MYO1H: variants seen among roughly 807,000 people sequenced by gnomAD.
The protein encoded by MYO1H is unconventional myosin-Ih.
Under a neutral mutation model 149.3 loss-of-function variants are expected in MYO1H, and 118 were observed. The ratio of observed to expected loss-of-function variants is 0.79; its 90% CI spans 0.68 to 0.92. MYO1H has a LOEUF of 0.92. Among genes scored for constraint, MYO1H ranks in the 40% least tolerant of loss-of-function variants. The probability of loss-of-function intolerance (pLI) is 0.00; values close to 1 mark genes in which losing one functional copy is unlikely to be tolerated. For synonymous variants in MYO1H, 447 were observed against 465.2 expected (o/e 0.96, Z 0.50); for missense variants, 1,212 against 1,280.7 (o/e 0.95, Z 0.82).
intron 5 of MYO1H, among the ~76,000 whole-genome samples, chr12:109,399,591 CAA>C (rs34417905): frequency 2.1e-4 from 15 of 70,464 alleles, no homozygotes; most frequent in East Asian, 7.5e-4. Flanking sequence ...GACTCTGTCT[CAA>C]AAAAAAAAAA....
chr12:109,406,940 C>T (rs1187762064), intron 9 of MYO1H, 80 bp downstream of exon 9: 20 of 1,300,754 alleles, frequency 1.5e-5, no homozygotes, highest in Non-Finnish European at 2.1e-5. Flanking sequence ...GTGGTGGCCT[C>T]AGGGGAGGCC....
chr12:109,430,356 T>C (rs1871557684), intron 19 of MYO1H, among the ~76,000 whole-genome samples: 1 of 152,202 alleles, frequency 6.6e-6, no homozygotes, highest in Non-Finnish European at 1.5e-5. Flanking sequence ...CATAAGGTAC[T>C]AGTCCCTCCA....
intron 19 of MYO1H, among the ~76,000 whole-genome samples, chr12:109,427,901 A>G (rs1430980164): frequency 2.1e-5 from 1 of 46,750 alleles, no homozygotes; most frequent in Admixed American, 2.1e-4. Flanking sequence ...AAAAAAAAAA[A>G]AAAAAAAAAT....
At chr12:109,350,729 A>G (rs918441890) in intron 1 of MYO1H, among the ~76,000 whole-genome samples, 5 of 152,226 alleles carry the variant, frequency 3.3e-5, no homozygotes, top group African/African-American at 7.2e-5. Context: ...GCACTTTTCC[A>G]TGGTTCAAAT....
At chr12:109,426,379 A>G (rs191375633) in intron 18 of MYO1H, among the ~76,000 whole-genome samples, 1 of 152,182 alleles carries the variant, frequency 6.6e-6, no homozygotes, top group East Asian at 1.9e-4. Context: ...TACAAACACT[A>G]GCTGGGTGTG....
At position 109,410,890 on chromosome 12, in the gene MYO1H, C is replaced by A. The variant is rs956742674; in HGVS notation, c.1410+122C>A. 1.0e-5 allele frequency: 7 copies of A among 673,614 alleles called. No individual in the cohort carries two copies. The Admixed American group carries it at 1.6e-4, about 16-fold the overall frequency. 41.7% of individuals were successfully genotyped at this position (673,614 alleles called of 1,614,324 possible). ...GGCACGGTGGCTCACGCCTGTAATT[C>A]CAACACTTTGGGAGGCCGAGGTGGG... On this transcript the variant is annotated intron_variant, in intron 13 of 31. Coordinates refer to ENST00000310903, the Ensembl canonical transcript of MYO1H.
chr12:109,314,546 C>T, the MYO1H span, among the ~76,000 whole-genome samples: 6 of 152,164 alleles, frequency 3.9e-5, no homozygotes, highest in Non-Finnish European at 7.3e-5. Flanking sequence ...ATGATGGCTC[C>T]GCTGTGAGGC....
At chr12:109,407,840 C>T (rs1404204023) in exon 10 of MYO1H, 9 of 1,613,886 alleles carry the variant, frequency 5.6e-6, no homozygotes, top group South Asian at 1.1e-5. Flanking sequence ...GCTAGAGATG[C>T]AATGGCAAAG....
At chr12:109,365,961 A>T (rs1350623413) in intron 1 of MYO1H, among the ~76,000 whole-genome samples, 1 of 152,162 alleles carries the variant, frequency 6.6e-6, no homozygotes, top group Non-Finnish European at 1.5e-5. Flanking sequence ...CTCTCACAGG[A>T]TTGTGAAGCC....
chr12:109,353,251 G>A (rs934098737), intron 1 of MYO1H, among the ~76,000 whole-genome samples: 3 of 151,854 alleles, frequency 2.0e-5, no homozygotes, highest in Non-Finnish European at 2.9e-5. Context: ...AAAATTAGCC[G>A]GGTATGGTGG....
rs541310834 is a variant in MYO1H at position 109,436,301 on chromosome 12, T to C, written c.2141-187T>C. On this transcript the variant is annotated intron_variant, in intron 21 of 31. Transcript: ENST00000310903. ...GAAACTCCAGTTCCCGGGCAGCATCTGGGAGCCAGGCGTCATGTAACCAGC... is the reference window on the plus strand; with the variant it reads ...GAAACTCCAGTTCCCGGGCAGCATCCGGGAGCCAGGCGTCATGTAACCAGC... 2.6e-5 allele frequency among the ~76,000 whole-genome samples: 4 copies of C among 152,194 alleles called. No homozygotes were observed. In the East Asian group the frequency reaches 7.7e-4, roughly 29 times the overall value.
At position 109,378,103 on chromosome 12, in the gene MYO1H, T is replaced by A. The variant is rs550603883; in HGVS notation, c.13-10580T>A. Among the ~76,000 whole-genome samples the A allele has an allele frequency of 3.9e-5, 6 of 152,344 alleles. No individual in the cohort carries two copies. In the South Asian group the frequency reaches 1.2e-3, roughly 32 times the overall value. On this transcript the variant is annotated intron_variant, in intron 1 of 31. Coordinates refer to ENST00000310903, the Ensembl canonical transcript of MYO1H. ...GAGATCTAATTCATATGCCATACAA[T>A]TAATCTATTTAAAGTGTACAGTTCA...
At chr12:109,421,508 G>A (rs1369483592) in intron 16 of MYO1H, among the ~76,000 whole-genome samples, 1 of 152,196 alleles carries the variant, frequency 6.6e-6, no homozygotes, top group African/African-American at 2.4e-5. Context: ...AGAAGGATCA[G>A]AAGTTATTCC....
Position 109,410,139 on chromosome 12 carries a change from TA to T in MYO1H, c.1329+73del, listed in dbSNP as rs954080777. On this transcript the variant is annotated intron_variant, in intron 12 of 31. Coordinates refer to ENST00000310903, the Ensembl canonical transcript of MYO1H. The stretch of plus-strand genomic sequence containing the variant: ...TAAAGACTTCTTTTTTTAATTTAAT[TA>T]ATTTTTTTTTTATTTTTTTGAGACA... The T allele has an allele frequency of 4.0e-5, 32 of 792,730 alleles. No individual in the cohort carries two copies. In the African/African-American group the frequency reaches 4.2e-4, roughly 10 times the overall value. 49.1% of individuals were successfully genotyped at this position (792,730 alleles called of 1,614,324 possible).
chr12:109,337,362 A>T, the MYO1H span, among the ~76,000 whole-genome samples: 1 of 152,226 alleles, frequency 6.6e-6, no homozygotes, highest in Non-Finnish European at 1.5e-5. Context: ...GATAAATGTG[A>T]ATCCCACCTC....
intron 3 of MYO1H, among the ~76,000 whole-genome samples, chr12:109,395,620 A>G (rs1012169876): frequency 6.6e-6 from 1 of 151,868 alleles, no homozygotes; most frequent in East Asian, 1.9e-4. Context: ...TTATAATCCC[A>G]GCTACTCGGG....
intron 27 of MYO1H, among the ~76,000 whole-genome samples, chr12:109,442,666 A>G (rs1389474514): frequency 1.3e-5 from 2 of 152,016 alleles, no homozygotes; most frequent in Admixed American, 1.3e-4. Flanking sequence ...GGTGCCTCTG[A>G]TCTTCTGTGA....
intron 5 of MYO1H, among the ~76,000 whole-genome samples, chr12:109,398,809 G>A (rs962453667): frequency 6.6e-6 from 1 of 150,504 alleles, no homozygotes; most frequent in African/African-American, 2.4e-5. Context: ...CTGCTTACCT[G>A]GCAGGGGCCA....
intron 1 of MYO1H, among the ~76,000 whole-genome samples, chr12:109,366,140 T>C (rs1365912382): frequency 6.6e-6 from 1 of 152,182 alleles, no homozygotes; most frequent in African/African-American, 2.4e-5. Context: ...GACAAAAAGG[T>C]TGGGGACCAC....
Sources: gnomAD v4.1 joint callset for allele counts (sites outside exome capture counted in the v4.1 genomes callset) on GRCh38, gnomAD v4.1.1 for gene constraint, MANE v1.5 for transcripts, NCBI Gene and HGNC (gene_info 2026-07-23, HGNC 2026-07-21) for gene names.